The following KCNK9 variants were observed in gnomAD, a reference collection of about 807,000 sequenced individuals.
KCNK9 encodes potassium two pore domain channel subfamily K member 9.
In KCNK9, 1 loss-of-function variant was observed where a neutral mutation model predicts 10.8. The ratio of observed to expected loss-of-function variants is 0.09; its 90% CI spans 0.03 to 0.44. The LOEUF (loss-of-function observed/expected upper bound fraction) is 0.44. Among genes scored for constraint, KCNK9 ranks in the 20% least tolerant of loss-of-function variants. The pLI, the probability that KCNK9 is intolerant of heterozygous loss-of-function variation, is 0.97. For missense variants in KCNK9, 303 were observed against 515.0 expected (o/e 0.59, Z 3.98); for synonymous variants, 231 against 222.7 (o/e 1.04, Z -0.33).
chr8:139,604,771 G>T (rs1817450420), intron 2 of KCNK9, among the ~76,000 whole-genome samples: 1 of 152,166 alleles, frequency 6.6e-6, no homozygotes, highest in African/African-American at 2.4e-5. Flanking sequence ...CCCTGGGTAG[G>T]CCCTGGGGGA....
At position 139,640,274 on chromosome 8, in the gene KCNK9, A is replaced by G. The variant is rs116111364; in HGVS notation, c.284-21175T>C. Among the ~76,000 whole-genome samples the G allele has an allele frequency of 5.3e-3, 811 of 152,290 alleles. 8 individuals are homozygous for G. The highest frequency in any genetic ancestry group is 0.019 in the African/African-American group (773 of 41,566). On this transcript the variant is annotated intron_variant, in intron 1 of 1. Coordinates refer to ENST00000520439, the MANE Select transcript of KCNK9 (RefSeq NM_001282534.2). ...TGGCACATCAGCGGCAGGGCTTGTGACTAGAATCCTGGTCTGCCACCAGAC... is the reference window on the plus strand; with the variant it reads ...TGGCACATCAGCGGCAGGGCTTGTGGCTAGAATCCTGGTCTGCCACCAGAC...
intron 1 of KCNK9, among the ~76,000 whole-genome samples, chr8:139,691,098 C>T (rs890406123): frequency 2.0e-5 from 3 of 152,294 alleles, no homozygotes; most frequent in South Asian, 2.1e-4. Context: ...GAGACTGCTT[C>T]GTGGTACAAT....
chr8:139,678,335 C>T (rs1816610028), intron 1 of KCNK9, among the ~76,000 whole-genome samples: 1 of 152,208 alleles, frequency 6.6e-6, no homozygotes, highest in Admixed American at 6.5e-5. Context: ...AGGAACCCAC[C>T]TCCCTTCTGG....
intron 1 of KCNK9, among the ~76,000 whole-genome samples, chr8:139,635,190 C>G (rs1815301859): frequency 6.6e-6 from 1 of 152,270 alleles, no homozygotes; most frequent in South Asian, 2.1e-4. Flanking sequence ...AATGAGCAAA[C>G]AGAAGAGCAC....
At chr8:139,671,736 A>AT (rs1417503317) in intron 1 of KCNK9, among the ~76,000 whole-genome samples, 4 of 151,700 alleles carry the variant, frequency 2.6e-5, no homozygotes, top group African/African-American at 4.8e-5. Flanking sequence ...TTTCAACAGA[A>AT]TTTTTTTGTA....
chr8:139,620,153 C>A (rs997405630), intron 1 of KCNK9, among the ~76,000 whole-genome samples: 1 of 152,190 alleles, frequency 6.6e-6, no homozygotes, highest in Non-Finnish European at 1.5e-5. Flanking sequence ...CCCAATATGG[C>A]AGAAGGAACA....
intron 1 of KCNK9, among the ~76,000 whole-genome samples, chr8:139,638,061 A>AT (rs1815393222): frequency 1.3e-5 from 2 of 151,948 alleles, no homozygotes; most frequent in African/African-American, 2.4e-5. Flanking sequence ...CATCTGTGGA[A>AT]TAAGAGAACA....
chr8:139,676,745 G>T (rs2129750365), intron 1 of KCNK9, among the ~76,000 whole-genome samples: 1 of 152,306 alleles, frequency 6.6e-6, no homozygotes, highest in African/African-American at 2.4e-5. Flanking sequence ...GAGGCCAGGA[G>T]CTCAAGACCA....
At chr8:139,663,357 G>T (rs1816212031) in intron 1 of KCNK9, among the ~76,000 whole-genome samples, 1 of 152,064 alleles carries the variant, frequency 6.6e-6, no homozygotes, top group South Asian at 2.1e-4. Flanking sequence ...GCTCTTGGGG[G>T]ACTACAGGTG....
At chr8:139,700,720 C>T (rs1473560968) in intron 1 of KCNK9, among the ~76,000 whole-genome samples, 1 of 152,182 alleles carries the variant, frequency 6.6e-6, no homozygotes, top group Non-Finnish European at 1.5e-5. Flanking sequence ...AGCTACACTT[C>T]CCTTGACAGC....
At chr8:139,686,667 A>G (rs911515411) in intron 1 of KCNK9, among the ~76,000 whole-genome samples, 2 of 152,222 alleles carry the variant, frequency 1.3e-5, no homozygotes, top group African/African-American at 4.8e-5. Flanking sequence ...ATGTAATTAC[A>G]TTACAATTAG....
chr8:139,689,683 C>A (rs1258935553), intron 1 of KCNK9, among the ~76,000 whole-genome samples: 1 of 146,402 alleles, frequency 6.8e-6, no homozygotes, highest in Non-Finnish European at 1.5e-5. Flanking sequence ...CACTCTGCTG[C>A]CCAAGCTGGA....
At chr8:139,628,613 G>T (rs1490034666) in intron 1 of KCNK9, among the ~76,000 whole-genome samples, 1 of 152,186 alleles carries the variant, frequency 6.6e-6, no homozygotes. Context: ...TCTCAGGCTT[G>T]GCACCAAATC....
At chr8:139,655,130 C>T (rs933168954) in intron 1 of KCNK9, among the ~76,000 whole-genome samples, 12 of 152,118 alleles carry the variant, frequency 7.9e-5, no homozygotes, top group African/African-American at 2.9e-4. Flanking sequence ...TCCCCTCCCT[C>T]AGATACTGCT....
intron 1 of KCNK9, among the ~76,000 whole-genome samples, chr8:139,677,999 C>T (rs569048549): frequency 6.7e-6 from 1 of 149,604 alleles, no homozygotes; most frequent in African/African-American, 2.6e-5. Context: ...CCAACAGGTC[C>T]CCACGGCTGC....
At chr8:139,619,132 C>T (rs1311430331) in intron 1 of KCNK9, 33 bp from the exon 2 acceptor site, 1 of 1,611,782 alleles carries the variant, frequency 6.2e-7, no homozygotes. Flanking sequence ...ACAGAGAGAG[C>T]AAGTGAGGAG....
intron 1 of KCNK9, among the ~76,000 whole-genome samples, chr8:139,646,684 T>C (rs912394120): frequency 6.6e-6 from 1 of 152,246 alleles, no homozygotes; most frequent in South Asian, 2.1e-4. Flanking sequence ...AATGAATGAA[T>C]GAATGCATCC....
At chr8:139,698,938 G>T (rs1315018922) in intron 1 of KCNK9, among the ~76,000 whole-genome samples, 1 of 152,128 alleles carries the variant, frequency 6.6e-6, no homozygotes, top group Non-Finnish European at 1.5e-5. Context: ...AGTGTACCCT[G>T]CCCCCAGCCA....
At position 139,626,972 on chromosome 8, in the gene KCNK9, G is replaced by A. The variant is rs556462157; in HGVS notation, c.284-7873C>T. Among the ~76,000 whole-genome samples the A allele has an allele frequency of 4.6e-5, 7 of 152,254 alleles. No individual in the cohort carries two copies. In the South Asian group the frequency reaches 1.2e-3, roughly 27 times the overall value. On this transcript the variant is annotated intron_variant, in intron 1 of 1. Coordinates refer to ENST00000520439, the MANE Select transcript of KCNK9 (RefSeq NM_001282534.2). ...TGAGCTTCGGCCCCGCTCAGGCCCC[G>A]GAATGAACTCGGCATGATTTAAACC...
Sources: gnomAD v4.1 joint callset for allele counts (sites outside exome capture counted in the v4.1 genomes callset) on GRCh38, gnomAD v4.1.1 for gene constraint, MANE v1.5 for transcripts, NCBI Gene and HGNC (gene_info 2026-07-23, HGNC 2026-07-21) for gene names.